ERICH1: variants seen among roughly 807,000 people sequenced by gnomAD.
ERICH1 encodes the protein glutamate rich 1.
ERICH1 carries 56 observed loss-of-function variants against 39.6 expected under a neutral mutation model. That is an observed-to-expected ratio of 1.41 (90% confidence interval 1.14 to 1.77). The LOEUF (loss-of-function observed/expected upper bound fraction) is 1.77, where lower values mean the gene tolerates loss of function less well. Among genes scored for constraint, ERICH1 ranks in the 40% most tolerant of loss-of-function variants. The probability of loss-of-function intolerance (pLI) is 0.00; values close to 1 mark genes in which losing one functional copy is unlikely to be tolerated. For synonymous variants in ERICH1, 313 were observed against 223.6 expected (o/e 1.40, Z -3.57); for missense variants, 826 against 575.4 (o/e 1.44, Z -4.45).
At chr8:637,988 G>A (rs1798580361) in intron 3 of ERICH1, among the ~76,000 whole-genome samples, 2 of 152,224 alleles carry the variant, frequency 1.3e-5, no homozygotes, top group Non-Finnish European at 2.9e-5. Flanking sequence ...TAAGTTCTGT[G>A]GACTGCTTTG....
At chr8:685,094 CG>C (rs1806998047) in intron 3 of ERICH1, among the ~76,000 whole-genome samples, 2 of 152,168 alleles carry the variant, frequency 1.3e-5, no homozygotes, top group Admixed American at 1.3e-4. Flanking sequence ...GAGACCAGGG[CG>C]TGTTTCATCC....
At chr8:679,177 C>T (rs1342723001) in intron 3 of ERICH1, among the ~76,000 whole-genome samples, 4 of 146,220 alleles carry the variant, frequency 2.7e-5, no homozygotes, top group African/African-American at 1.0e-4. Context: ...CCCCTCACAG[C>T]ACCCACCCCT....
At chr8:716,607 T>C (rs931415306) in intron 1 of ERICH1, among the ~76,000 whole-genome samples, 5 of 152,278 alleles carry the variant, frequency 3.3e-5, no homozygotes, top group Non-Finnish European at 7.3e-5. Context: ...TTGCTTGTTT[T>C]AGTTTACGTT....
At chr8:678,454 T>A (rs1205031861) in intron 3 of ERICH1, among the ~76,000 whole-genome samples, 1 of 152,316 alleles carries the variant, frequency 6.6e-6, no homozygotes. Flanking sequence ...AAAATCACAA[T>A]ATTCCTGCAT....
chr8:662,629 C>T (rs191650678), downstream of ERICH1, among the ~76,000 whole-genome samples: 140 of 152,260 alleles, frequency 9.2e-4, no homozygotes, highest in African/African-American at 3.1e-3. Context: ...GCGTGGGCAA[C>T]AAAAGCGAGA....
intron 2 of ERICH1, among the ~76,000 whole-genome samples, chr8:695,332 C>G (rs573708971): frequency 2.7e-4 from 41 of 152,172 alleles, no homozygotes; most frequent in African/African-American, 9.6e-4. Context: ...CCTTGCTTCA[C>G]CAGGAAAATA....
chr8:708,681 G>GTTTTTTTT lies in ERICH1; in HGVS notation c.169+7172_169+7179dup, dbSNP rs139731216. Among the ~76,000 whole-genome samples the GTTTTTTTT allele has an allele frequency of 4.7e-4, 31 of 65,764 alleles. 4 individuals are homozygous for GTTTTTTTT. Among genetic ancestry groups the GTTTTTTTT allele is most frequent in the Non-Finnish European group, 6.5e-4 (22 of 33,638 alleles). 43.1% of individuals were successfully genotyped at this position (65,764 alleles called of 152,430 possible). A position where few individuals can be genotyped will look rare whatever the true frequency, so the allele number is the denominator to read the frequency against. On this transcript the variant is annotated intron_variant, in intron 2 of 5. Transcript: ENST00000262109. ...GGGCTGAGTGGTTACGGGATAATGAGTTTTTTTTTTTTTTTTTTTTTTTTT... is the reference window on the plus strand; with the variant it reads ...GGGCTGAGTGGTTACGGGATAATGAGTTTTTTTTTTTTTTTTTTTTTTTTTTTTTTTTT...
chr8:661,123 T>C (rs553099896), downstream of ERICH1, among the ~76,000 whole-genome samples: 4 of 152,220 alleles, frequency 2.6e-5, no homozygotes, highest in East Asian at 7.7e-4. Flanking sequence ...TACCCAATAT[T>C]GGTGCGAGGC....
At chr8:655,850 A>G (rs146405221) in intron 3 of ERICH1, among the ~76,000 whole-genome samples, 2,427 of 152,124 alleles carry the variant, frequency 0.016, 27 homozygotes, top group Middle Eastern at 0.031. Flanking sequence ...CACGTTTTTC[A>G]TGACACATCC....
intron 1 of ERICH1, 120 bp downstream of exon 1, chr8:731,020 G>T: frequency 8.3e-7 from 1 of 1,202,098 alleles, no homozygotes; most frequent in Non-Finnish European, 1.1e-6. Context: ...GTGGGGAGTC[G>T]GTCTGGGTTT....
chr8:687,044 C>T (rs1807581424), intron 3 of ERICH1, among the ~76,000 whole-genome samples: 1 of 152,232 alleles, frequency 6.6e-6, no homozygotes, highest in Non-Finnish European at 1.5e-5. Context: ...GAGAGAGCCA[C>T]GATTCTGTCA....
At chr8:668,152 A>T (rs779788734) in intron 5 of ERICH1, 4 of 258,568 alleles carry the variant, frequency 1.5e-5, no homozygotes, top group African/African-American at 4.5e-5. Context: ...CTGCTCCAGC[A>T]CACAACAGTT....
chr8:700,551 C>CGCACAGGCCCGCACAG lies in ERICH1; in HGVS notation c.170-7940_170-7939insCTGTGCGGGCCTGTGC, dbSNP rs1811863372. Among the ~76,000 whole-genome samples, 13 of 85,146 alleles carry CGCACAGGCCCGCACAG rather than the reference C, an allele frequency of 1.5e-4. 1 individual carries two copies. In the South Asian group the frequency reaches 2.5e-3, roughly 17 times the overall value. 55.9% of individuals were successfully genotyped at this position (85,146 alleles called of 152,430 possible). A position where few individuals can be genotyped will look rare whatever the true frequency, so the allele number is the denominator to read the frequency against. ...CCGCACAGGCGCACAGGCCCGCACA[C>CGCACAGGCCCGCACAG]GCGCACAGGCCCGCACAGGCGCACA... On this transcript the variant is annotated intron_variant, in intron 2 of 5. Transcript: ENST00000262109.
chr8:671,375 C>T (rs371346744), intron 4 of ERICH1, among the ~76,000 whole-genome samples: 1 of 144,414 alleles, frequency 6.9e-6, no homozygotes, highest in Non-Finnish European at 1.5e-5. Flanking sequence ...CTGCCGGCCC[C>T]GGCTCTAATG....
rs1314008466 is a variant in ERICH1, at chr8:715,945, C to T, written c.85G>A (p.Glu29Lys). ...TTTTGGACGGCCAGCGTCTGGGGTT[C>T]CCTCTTTCCTTGGCCACTTGGAACA... is the stretch of plus-strand genomic sequence containing the variant. ...PPVPSGQGKREPQTLAVQNPP... is the reference protein window; with the variant it reads ...PPVPSGQGKRKPQTLAVQNPP... The change falls in exon 2 of 6, where the codon GAA becomes AAA. Residue 29 changes from glutamate to lysine, a missense_variant. Transcript: ENST00000262109. 1.2e-6 allele frequency: 2 copies of T among 1,613,926 alleles called. No homozygotes were observed. Among genetic ancestry groups the T allele is most frequent in the South Asian group, 1.1e-5 (1 of 91,016 alleles).
intron 3 of ERICH1, among the ~76,000 whole-genome samples, chr8:620,973 C>G (rs1450834910): frequency 6.6e-6 from 1 of 152,184 alleles, no homozygotes; most frequent in African/African-American, 2.4e-5. Context: ...TACATATTCT[C>G]AAGTACACAT....
chr8:617,578 C>A (rs996259139), intron 3 of ERICH1, among the ~76,000 whole-genome samples: 1 of 151,306 alleles, frequency 6.6e-6, no homozygotes. Context: ...TTTCTCACTG[C>A]CCTCTGAGTG....
At chr8:656,885 TTATGGA>T in intron 3 of ERICH1, 1 of 963,530 alleles carries the variant, frequency 1.0e-6, no homozygotes. Context: ...AACTTAAACA[TTATGGA>T]TTAATTCATT....
chr8:618,320 G>A (rs1244418464), intron 3 of ERICH1, among the ~76,000 whole-genome samples: 3 of 151,096 alleles, frequency 2.0e-5, no homozygotes, highest in Non-Finnish European at 4.4e-5. Flanking sequence ...TCAGTACTCT[G>A]TGTTCCATCT....
Sources: allele counts gnomAD v4.1 joint callset (sites outside exome capture counted in the v4.1 genomes callset), GRCh38; gene constraint gnomAD v4.1.1; transcripts MANE v1.5; gene names NCBI Gene and HGNC (gene_info 2026-07-23, HGNC 2026-07-21).